B4GALNT2: variants seen among roughly 807,000 people sequenced by gnomAD.
B4GALNT2 encodes N-acetylneuraminylgalactosylglucosyl-glucoside beta-1,4-N- acetylgalactosaminyltransferase 2.
B4GALNT2 carries 42 observed loss-of-function variants against 51.1 expected under a neutral mutation model. That is an observed-to-expected ratio of 0.82 (90% CI 0.64 to 1.06). The LOEUF (loss-of-function observed/expected upper bound fraction) is 1.06. B4GALNT2 is among the 50% of genes least tolerant of loss of function. B4GALNT2 has a pLI of 0.00. For missense variants in B4GALNT2, 602 were observed against 633.6 expected, an observed-to-expected ratio of 0.95 and a Z score of 0.54; for synonymous variants, 253 against 251.7, an observed-to-expected ratio of 1.01 and a Z score of -0.05.
In B4GALNT2 at chr17:49,166,034, G is replaced by T. The variant is rs546110695; in HGVS notation, c.955-80G>T. On this transcript the variant is annotated intron_variant, in intron 8 of 10. Coordinates refer to ENST00000393354, the MANE Select transcript of B4GALNT2 (RefSeq NM_001159387.2). Reference sequence around the variant, plus strand: ...TGTCTGGAGTGCATGCAGCCTGGCTGTTGGGAATTTAGAAAGCTCCCCAGG... The same window carrying T: ...TGTCTGGAGTGCATGCAGCCTGGCTTTTGGGAATTTAGAAAGCTCCCCAGG... 4.5e-5 allele frequency: 67 copies of T among 1,483,904 alleles called. No individual in the cohort carries two copies. In the African/African-American group the frequency reaches 8.2e-4, roughly 18 times the overall value. 91.9% of individuals were successfully genotyped at this position (1,483,904 alleles called of 1,614,324 possible).
upstream of B4GALNT2, among the ~76,000 whole-genome samples, chr17:49,131,120 C>T (rs1438185462): frequency 6.6e-6 from 1 of 152,124 alleles, no homozygotes; most frequent in Non-Finnish European, 1.5e-5. Context: ...TGAGAAGTGC[C>T]TGACAGTGTT....
At chr17:49,154,073 G>A (rs944508262) in intron 4 of B4GALNT2, among the ~76,000 whole-genome samples, 2 of 150,768 alleles carry the variant, frequency 1.3e-5, no homozygotes, top group South Asian at 2.1e-4. Flanking sequence ...GCATGATCTC[G>A]GCTCACTGCA....
At chr17:49,140,228 G>C (rs965817070) in intron 1 of B4GALNT2, among the ~76,000 whole-genome samples, 13 of 151,712 alleles carry the variant, frequency 8.6e-5, no homozygotes, top group African/African-American at 2.9e-4. Flanking sequence ...AGCCTCCCGA[G>C]TAGCTGGGAC....
chr17:49,132,537 G>T (rs2042548400), upstream of B4GALNT2: 2 of 403,214 alleles, frequency 5.0e-6, no homozygotes, highest in Non-Finnish European at 4.3e-6. Flanking sequence ...TAGACTAGGG[G>T]TGGACGCGGG....
At chr17:49,147,374 C>CTTTTTTTT (rs1475311406) in intron 3 of B4GALNT2, among the ~76,000 whole-genome samples, 28 of 143,944 alleles carry the variant, frequency 1.9e-4, no homozygotes, top group African/African-American at 6.9e-4. Flanking sequence ...TCTTTTCTTT[C>CTTTTTTTT]TTTCTTTTTT....
chr17:49,165,390 CTCT>C (rs2042902199), intron 8 of B4GALNT2, among the ~76,000 whole-genome samples: 1 of 141,438 alleles, frequency 7.1e-6, no homozygotes, highest in Non-Finnish European at 1.5e-5. Flanking sequence ...CTCTCTTTCT[CTCT>C]TCTTCCCACC....
At chr17:49,126,511 AAC>A in the B4GALNT2 span, among the ~76,000 whole-genome samples, 1 of 151,192 alleles carries the variant, frequency 6.6e-6, no homozygotes, top group Non-Finnish European at 1.5e-5. Flanking sequence ...AAAAAAAAAA[AAC>A]AAACTCCGTG....
At chr17:49,130,496 G>T (rs1731292570), upstream of B4GALNT2, among the ~76,000 whole-genome samples, 1 of 152,172 alleles carries the variant, frequency 6.6e-6, no homozygotes, top group Admixed American at 6.5e-5. Context: ...AAATTAGCCA[G>T]GTGTGGTGGT....
upstream of B4GALNT2, among the ~76,000 whole-genome samples, chr17:49,130,659 G>A (rs2042532655): frequency 6.6e-6 from 1 of 151,828 alleles, no homozygotes; most frequent in South Asian, 2.1e-4. Context: ...ATGTCTAGTT[G>A]TGTATTACTC....
chr17:49,156,666 C>T lies in B4GALNT2; in HGVS notation c.498+63C>T, dbSNP rs2042813847. On this transcript the variant is annotated intron_variant, in intron 5 of 10. Coordinates refer to ENST00000393354, the MANE Select transcript of B4GALNT2 (RefSeq NM_001159387.2). ...CCTGTCCTCATTCCCTCAACTGTGG[C>T]TGCTCTCAGCCTTTGACGGAGCCCC... 6 of 1,563,268 alleles carry T rather than the reference C, an allele frequency of 3.8e-6. No individual in the cohort carries two copies. The East Asian group carries it at 6.8e-5, about 18-fold the overall frequency.
intron 3 of B4GALNT2, among the ~76,000 whole-genome samples, chr17:49,142,865 C>T (rs2042658035): frequency 1.3e-5 from 2 of 152,080 alleles, no homozygotes; most frequent in South Asian, 4.1e-4. Context: ...AGCATACTAC[C>T]CTGTGCTATA....
chr17:49,159,157 T>A lies in B4GALNT2; in HGVS notation c.619T>A (p.Phe207Ile). 6.2e-7 allele frequency: 1 copy of A among 1,614,084 alleles called. No homozygotes were observed. Among genetic ancestry groups the A allele is most frequent in the Non-Finnish European group, 8.5e-7 (1 of 1,179,996 alleles). ...ISTSDRKLLK[F>I]ILQHVTYTST... Reference sequence around the variant, plus strand: ...TACCAGTGACCGGAAGCTGTTGAAGTTCATTCTTCAGCACGTGACATACAC... The same window carrying A: ...TACCAGTGACCGGAAGCTGTTGAAGATCATTCTTCAGCACGTGACATACAC... Residue 207 changes from phenylalanine (F) to isoleucine (I), a missense_variant, in exon 6 of 11, where the codon TTC (phenylalanine) becomes ATC (isoleucine). Physicochemically the swap from Phe to Ile is conservative, Grantham distance 21. Coordinates refer to ENST00000393354, the MANE Select transcript of B4GALNT2 (RefSeq NM_001159387.2).
chr17:49,155,297 CAAA>C (rs34869721), intron 4 of B4GALNT2, among the ~76,000 whole-genome samples: 118 of 54,164 alleles, frequency 2.2e-3, no homozygotes, highest in African/African-American at 5.9e-3. Context: ...GATTCAGTCT[CAAA>C]AAAAAAAAAA....
chr17:49,174,930 T>C lies in B4GALNT2; in HGVS notation c.*5202T>C, dbSNP rs150060163. ...CACCATACGTTGACTTTGAGGGCTA[T>C]ACAATTGCTCTAGAATTAGAACTTG... On this transcript the variant is annotated 3_prime_UTR_variant, in exon 11 of 11. Coordinates refer to ENST00000393354, the MANE Select transcript of B4GALNT2 (RefSeq NM_001159387.2). 6.6e-6 allele frequency: 1 copy of C among 152,320 alleles called. No individual in the cohort carries two copies. The highest frequency in any genetic ancestry group is 2.4e-5 in the African/African-American group (1 of 41,570). 9.4% of individuals were successfully genotyped at this position (152,320 alleles called of 1,614,324 possible). A position where few individuals can be genotyped will look rare whatever the true frequency, so the allele number is the denominator to read the frequency against.
At chr17:49,145,940 G>A (rs1042256727) in intron 3 of B4GALNT2, among the ~76,000 whole-genome samples, 2 of 152,182 alleles carry the variant, frequency 1.3e-5, no homozygotes, top group Non-Finnish European at 2.9e-5. Context: ...TACACTGGTG[G>A]CAGCGTTCCT....
In B4GALNT2 at chr17:49,174,617, G is replaced by A. The variant is rs886304285; in HGVS notation, c.*4889G>A. 7 of 152,098 alleles carry A rather than the reference G, an allele frequency of 4.6e-5. No individual in the cohort carries two copies. Among genetic ancestry groups the A allele is most frequent in the African/African-American group, 1.7e-4 (7 of 41,400 alleles). The allele number at this position is 152,098 out of a possible 1,614,324, so 9.4% of individuals were successfully genotyped here. ...TGATTTTTTCTTAATTATAAAAACTGGAGAGTTCCAAGGGGAAAATGTTGG... is the reference window on the plus strand; with the variant it reads ...TGATTTTTTCTTAATTATAAAAACTAGAGAGTTCCAAGGGGAAAATGTTGG... On this transcript the variant is annotated 3_prime_UTR_variant, in exon 11 of 11. Transcript: ENST00000393354.
rs199553862 is a variant in B4GALNT2, at chr17:49,147,851, G to A, written c.354-4949G>A. Among the ~76,000 whole-genome samples the A allele has an allele frequency of 6.4e-5, 9 of 140,668 alleles. No homozygotes were observed. In the South Asian group the frequency reaches 7.1e-4, roughly 11 times the overall value. 92.3% of individuals were successfully genotyped at this position (140,668 alleles called of 152,430 possible). A position where few individuals can be genotyped will look rare whatever the true frequency, so the allele number is the denominator to read the frequency against. ...ATATACATGTATGTTATATATATAT[G>A]TGTGTGTGTGTGTGTATATATATCC... On this transcript the variant is annotated intron_variant, in intron 3 of 10. Coordinates refer to ENST00000393354, the MANE Select transcript of B4GALNT2 (RefSeq NM_001159387.2).
chr17:49,133,858 G>A lies in B4GALNT2; in HGVS notation c.14+1052G>A, dbSNP rs139253691. ...AACCTGGAAGCAGAGGTTGCAGTGA[G>A]CCGAGATTGCTCCATTGCACTCCAG... On this transcript the variant is annotated intron_variant, in intron 1 of 10. Coordinates refer to ENST00000393354, the MANE Select transcript of B4GALNT2 (RefSeq NM_001159387.2). Among the ~76,000 whole-genome samples the A allele has an allele frequency of 2.8e-3, 433 of 152,314 alleles. 2 individuals are homozygous for A. Among genetic ancestry groups the A allele is most frequent in the African/African-American group, 9.3e-3 (387 of 41,552 alleles).
chr17:49,156,396 C>T (rs1406637477), intron 4 of B4GALNT2, among the ~76,000 whole-genome samples, 170 bp from the exon 5 acceptor site: 1 of 152,202 alleles, frequency 6.6e-6, no homozygotes, highest in Non-Finnish European at 1.5e-5. Flanking sequence ...CGAAACACCA[C>T]TTAACAGAGC....
Sources: gnomAD v4.1 joint callset for allele counts (sites outside exome capture counted in the v4.1 genomes callset) on GRCh38, gnomAD v4.1.1 for gene constraint, MANE v1.5 for transcripts, NCBI Gene and HGNC (gene_info 2026-07-23, HGNC 2026-07-21) for gene names.